Variants in OSBPL10 observed in about 807,000 individuals in gnomAD.
OSBPL10 encodes the protein oxysterol-binding protein-related protein 10.
A neutral mutation model predicts 81.7 loss-of-function variants in OSBPL10; 49 were observed. The observed-to-expected ratio is 0.60, with a 90% CI of 0.48 to 0.76. The LOEUF is 0.76. Ranked by LOEUF, OSBPL10 falls within the 30% of genes least tolerant of loss-of-function variation. OSBPL10 has a pLI of 0.00. For missense variants in OSBPL10, 923 were observed against 987.8 expected (o/e 0.93, Z 0.88); for synonymous variants, 419 against 383.6 (o/e 1.09, Z -1.08).
chr3:31,794,570 A>C, intron 4 of OSBPL10: 1 of 364,338 alleles, frequency 2.7e-6, no homozygotes, highest in Non-Finnish European at 5.5e-6. Context: ...CTCCTTAGTG[A>C]GGTTCAGAGA....
chr3:31,865,096 G>A (rs1268419280), intron 3 of OSBPL10, among the ~76,000 whole-genome samples: 1 of 152,190 alleles, frequency 6.6e-6, no homozygotes, highest in African/African-American at 2.4e-5. Flanking sequence ...GGGACAGAAG[G>A]GGTGAGGGAG....
In OSBPL10 at chr3:31,987,919, T is replaced by A. The variant is rs538415958; in HGVS notation, n.298+58572A>T. On this transcript the variant is annotated intron_variant and non_coding_transcript_variant, in intron 2 of 3. Coordinates refer to the OSBPL10 transcript ENST00000479173. The stretch of plus-strand genomic sequence containing the variant: ...GGGAAAACATAGGAAAAAATACTTA[T>A]GAACTTGGGTTAGGAAAATGGAGCA... 3.3e-5 allele frequency among the ~76,000 whole-genome samples: 5 copies of A among 152,350 alleles called. No individual in the cohort carries two copies. In the South Asian group the frequency reaches 1.0e-3, roughly 32 times the overall value.
intron 4 of OSBPL10, among the ~76,000 whole-genome samples, chr3:31,804,183 T>C (rs1699467298): frequency 6.6e-6 from 1 of 152,234 alleles, no homozygotes; most frequent in African/African-American, 2.4e-5. Flanking sequence ...GAAGAGCTTT[T>C]ACTCACCCCA....
At chr3:31,775,003 C>T (rs774361474) in intron 4 of OSBPL10, among the ~76,000 whole-genome samples, 119 of 150,872 alleles carry the variant, frequency 7.9e-4, no homozygotes, top group Non-Finnish European at 1.4e-3. Flanking sequence ...CCTGTTTCTA[C>T]AAAAAGTACA....
chr3:31,801,830 T>TG (rs1699388824), intron 4 of OSBPL10, among the ~76,000 whole-genome samples: 1 of 150,394 alleles, frequency 6.6e-6, no homozygotes, highest in African/African-American at 2.4e-5. Context: ...TTTTTGTTGT[T>TG]TTTTTTTTTA....
chr3:31,940,781 AG>A (rs912509324), intron 1 of OSBPL10, among the ~76,000 whole-genome samples: 3 of 152,090 alleles, frequency 2.0e-5, no homozygotes, highest in African/African-American at 7.2e-5. Context: ...TACTACTGCC[AG>A]GAAGTCTTCC....
intron 1 of OSBPL10, among the ~76,000 whole-genome samples, chr3:31,945,133 G>C (rs1405403627): frequency 1.7e-5 from 2 of 120,486 alleles, no homozygotes; most frequent in African/African-American, 3.5e-5. Context: ...CCTGGCGACA[G>C]AGCAAGACTC....
intron 4 of OSBPL10, among the ~76,000 whole-genome samples, chr3:31,766,846 G>C (rs959338933): frequency 3.9e-5 from 6 of 152,190 alleles, no homozygotes; most frequent in Non-Finnish European, 8.8e-5. Flanking sequence ...CAGAGGGCCT[G>C]AAAGTGTACT....
intron 3 of OSBPL10, among the ~76,000 whole-genome samples, chr3:31,834,401 T>C (rs1464259818): frequency 6.6e-6 from 1 of 152,238 alleles, no homozygotes; most frequent in Non-Finnish European, 1.5e-5. Context: ...TCAGTGTTCA[T>C]CTGGCTACTC....
intron 3 of OSBPL10, among the ~76,000 whole-genome samples, chr3:31,843,891 A>G (rs1443538713): frequency 1.3e-5 from 2 of 152,208 alleles, no homozygotes; most frequent in Non-Finnish European, 2.9e-5. Context: ...GCCCTGGACC[A>G]TTAGTTCTAA....
At chr3:31,885,832 A>C (rs1294629882) in intron 1 of OSBPL10, among the ~76,000 whole-genome samples, 11 of 149,944 alleles carry the variant, frequency 7.3e-5, no homozygotes, top group African/African-American at 2.7e-4. Flanking sequence ...AAAATACAAA[A>C]AAAAAAAAAA....
In OSBPL10 at chr3:31,980,891, C is replaced by T; in HGVS notation, c.281+8G>A. On this transcript the variant is annotated splice_region_variant and intron_variant, in intron 1 of 11. Coordinates refer to ENST00000396556, the MANE Select transcript of OSBPL10 (RefSeq NM_017784.5). Reference sequence around the variant, plus strand: ...GGCGCGCGGTGGCGCGGGCGGCTGGCGCGTTACCTGTTCTGCCAGCCCTGG... The same window carrying T: ...GGCGCGCGGTGGCGCGGGCGGCTGGTGCGTTACCTGTTCTGCCAGCCCTGG... 1 of 1,559,348 alleles carries T rather than the reference C, an allele frequency of 6.4e-7. No homozygotes were observed. Among genetic ancestry groups the T allele is most frequent in the Non-Finnish European group, 8.6e-7 (1 of 1,156,592 alleles).
chr3:31,846,443 GT>G, intron 3 of OSBPL10, among the ~76,000 whole-genome samples: 1 of 152,126 alleles, frequency 6.6e-6, no homozygotes, highest in East Asian at 1.9e-4. Context: ...GGCCAACATG[GT>G]AAAACCCCGT....
At chr3:31,954,347 G>T (rs1697951822) in intron 1 of OSBPL10, among the ~76,000 whole-genome samples, 1 of 152,202 alleles carries the variant, frequency 6.6e-6, no homozygotes, top group African/African-American at 2.4e-5. Context: ...AAAGGAAAAA[G>T]AAGCAACAAT....
intron 4 of OSBPL10, among the ~76,000 whole-genome samples, chr3:31,781,990 T>C (rs945103609): frequency 6.6e-6 from 1 of 152,058 alleles, no homozygotes; most frequent in Non-Finnish European, 1.5e-5. Flanking sequence ...AGACCCTGCA[T>C]AGCCAAAGCA....
intron 5 of OSBPL10, among the ~76,000 whole-genome samples, chr3:31,733,903 G>A (rs949772403): frequency 4.6e-5 from 7 of 151,912 alleles, no homozygotes; most frequent in Admixed American, 2.0e-4. Context: ...CCAGCTACTC[G>A]GGAGGCTGAG....
chr3:31,734,113 T>C (rs977040490), intron 5 of OSBPL10, among the ~76,000 whole-genome samples: 1 of 152,066 alleles, frequency 6.6e-6, no homozygotes, highest in African/African-American at 2.4e-5. Flanking sequence ...ACAATGGCCA[T>C]GGCTCAGAAA....
intron 4 of OSBPL10, among the ~76,000 whole-genome samples, chr3:31,770,903 C>A (rs900929260): frequency 2.0e-5 from 3 of 152,176 alleles, no homozygotes; most frequent in Middle Eastern, 3.2e-3. Flanking sequence ...GTCGAGGGAG[C>A]ACCCCATTCT....
At chr3:31,763,077 C>T (rs1343605263) in intron 4 of OSBPL10, among the ~76,000 whole-genome samples, 1 of 152,104 alleles carries the variant, frequency 6.6e-6, no homozygotes, top group Admixed American at 6.6e-5. Context: ...CAGCAAACTC[C>T]TCTAGGGTAA....
Sources: gnomAD v4.1 joint callset for allele counts (sites outside exome capture counted in the v4.1 genomes callset) on GRCh38, gnomAD v4.1.1 for gene constraint, MANE v1.5 for transcripts, NCBI Gene and HGNC (gene_info 2026-07-23, HGNC 2026-07-21) for gene names.